USP42: variants seen among roughly 807,000 people sequenced by gnomAD.
USP42 encodes ubiquitin specific peptidase 42.
In USP42, 23 loss-of-function variants were observed where a neutral mutation model predicts 113.0. The observed-to-expected ratio is 0.20, with a 90% CI of 0.15 to 0.29. The LOEUF is 0.29. USP42 is among the 10% of genes least tolerant of loss of function. USP42 has a pLI of 1.00. For synonymous variants in USP42, 933 were observed against 699.0 expected, an observed-to-expected ratio of 1.33 and a Z score of -5.28; for missense variants, 2,174 against 1,779.8, an observed-to-expected ratio of 1.22 and a Z score of -3.99.
At position 6,144,103 on chromosome 7, in the gene USP42, A is replaced by T. The variant is rs759845063; in HGVS notation, c.897A>T (p.Pro299=). The change falls in exon 9 of 18, where the codon CCA becomes CCT. Residue 299 remains proline, a synonymous_variant. Transcript: ENST00000306177. ...TTTCAAGGTGTAAAAAGATGGTTCC[A>T]GCTTCAAAGAGGTTCACTATCCATA... ...YKCSKCKKMV[P]ASKRFTIHRS... 39 of 1,570,092 alleles carry T rather than the reference A, an allele frequency of 2.5e-5. No homozygotes were observed. Among genetic ancestry groups the T allele is most frequent in the Non-Finnish European group, 3.2e-5 (37 of 1,165,726 alleles).
the USP42 span, among the ~76,000 whole-genome samples, chr7:6,094,761 T>G: frequency 6.6e-6 from 1 of 150,516 alleles, no homozygotes. Context: ...CAACTTACTC[T>G]TTTGGCCAGA....
At position 6,149,637 on chromosome 7, in the gene USP42, A is replaced by G. The variant is rs1483189424; in HGVS notation, c.1441A>G (p.Met481Val). ...ATTGAAAGACACGCCAAGCAGTTCC[A>G]TGTCGAGTCCTAACGGGAATTCCAG... is the stretch of plus-strand genomic sequence containing the variant. ...GPLKDTPSSSMSSPNGNSSVN... is the reference protein window; with the variant it reads ...GPLKDTPSSSVSSPNGNSSVN... The change falls in exon 13 of 18, where the codon ATG becomes GTG. Residue 481 changes from methionine (M) to valine (V), a missense_variant. Physicochemically the swap from Met to Val is conservative, Grantham distance 21. Coordinates refer to ENST00000306177, the MANE Select transcript of USP42 (RefSeq NM_032172.3). The G allele has an allele frequency of 1.2e-6, 2 of 1,613,852 alleles. No homozygotes were observed. The highest frequency in any genetic ancestry group is 1.3e-5 in the African/African-American group (1 of 74,912).
chr7:6,136,818 T>A (rs1402099234), intron 4 of USP42, among the ~76,000 whole-genome samples: 1 of 151,850 alleles, frequency 6.6e-6, no homozygotes, highest in Non-Finnish European at 1.5e-5. Flanking sequence ...CTTTTTTTTT[T>A]TTTTCAAGTG....
At chr7:6,145,705 G>A (rs1056341630) in intron 10 of USP42, 49 bp downstream of exon 10, 8 of 1,566,016 alleles carry the variant, frequency 5.1e-6, no homozygotes, top group Non-Finnish European at 2.6e-6. Flanking sequence ...CATGCTATAA[G>A]ACAGCAGTAG....
At chr7:6,081,832 T>A in the USP42 span, 6 of 152,176 alleles carry the variant, frequency 3.9e-5, no homozygotes, top group African/African-American at 1.4e-4. Flanking sequence ...GATCTCGTTC[T>A]TTCTCCCCTC....
At position 6,159,249 on chromosome 7, in the gene USP42, A is replaced by G. The variant is rs1303707070; in HGVS notation, c.3944-201A>G. ...TGGATGGAGCCCTCAGTCATCACGT[A>G]AACCCTTTGACATCAGTAAAACCCT... On this transcript the variant is annotated intron_variant, in intron 16 of 17. Coordinates refer to ENST00000306177, the MANE Select transcript of USP42 (RefSeq NM_032172.3). The surrounding 1 kb of genome is among the most constrained non-coding windows in gnomAD (Gnocchi z 4.1). Among the ~76,000 whole-genome samples the G allele has an allele frequency of 6.6e-6, 1 of 152,160 alleles. No individual in the cohort carries two copies. Among genetic ancestry groups the G allele is most frequent in the East Asian group, 1.9e-4 (1 of 5,192 alleles).
rs1403791896 is a variant in USP42, at chr7:6,159,163, T to C, written c.3944-287T>C. Among the ~76,000 whole-genome samples the C allele has an allele frequency of 6.6e-6, 1 of 152,214 alleles. No individual in the cohort carries two copies. Among genetic ancestry groups the C allele is most frequent in the Non-Finnish European group, 1.5e-5 (1 of 68,036 alleles). On this transcript the variant is annotated intron_variant, in intron 16 of 17. Coordinates refer to ENST00000306177, the MANE Select transcript of USP42 (RefSeq NM_032172.3). The surrounding 1 kb of genome is among the most constrained non-coding windows in gnomAD (Gnocchi z 4.1). Reference sequence around the variant, plus strand: ...CTCTTTCAAACTCCTCCTCTGGCTCTGTTCCGCCCAGTTCAGTTCTTGGGC... The same window carrying C: ...CTCTTTCAAACTCCTCCTCTGGCTCCGTTCCGCCCAGTTCAGTTCTTGGGC...
chr7:6,108,137 T>C (rs1452506498), intron 1 of USP42, among the ~76,000 whole-genome samples: 1 of 152,158 alleles, frequency 6.6e-6, no homozygotes, highest in Non-Finnish European at 1.5e-5. Context: ...CAGTGAGCTG[T>C]GACAGCGCCA....
Position 6,150,106 on chromosome 7 carries a change from C to T in USP42, c.1910C>T (p.Pro637Leu), listed in dbSNP as rs1187843113. The T allele has an allele frequency of 5.0e-6, 8 of 1,611,660 alleles. No individual in the cohort carries two copies. The highest frequency in any genetic ancestry group is 1.7e-5 in the Admixed American group (1 of 59,556). ...GGTACGATTGTGAGCTCCCACTCTC[C>T]CGGCCAAGATGCCGAAGATGAGGAG... ...GIGTIVSSHSPGQDAEDEEAT... is the reference protein window; with the variant it reads ...GIGTIVSSHSLGQDAEDEEAT... Residue 637 changes from proline (P) to leucine (L), a missense_variant, in exon 13 of 18, where the codon CCC becomes CTC. Transcript: ENST00000306177.
chr7:6,117,001 C>CCTCTCTTTCTCT (rs1259598169), intron 3 of USP42: 1 of 403,002 alleles, frequency 2.5e-6, no homozygotes, highest in African/African-American at 2.1e-5. Context: ...TCCCTTCCTC[C>CCTCTCTTTCTCT]CTCTCTTTCT....
intron 1 of USP42, among the ~76,000 whole-genome samples, chr7:6,105,931 C>G (rs772438081): frequency 2.6e-5 from 4 of 152,090 alleles, no homozygotes; most frequent in Non-Finnish European, 5.9e-5. Context: ...AAGTCAATAC[C>G]CTGACAGCAA....
chr7:6,155,573 TTA>T (rs1185193009), intron 15 of USP42, among the ~76,000 whole-genome samples: 1 of 152,192 alleles, frequency 6.6e-6, no homozygotes, highest in Non-Finnish European at 1.5e-5. Flanking sequence ...TCAGATGTAG[TTA>T]TGTTTTCATA....
At chr7:6,093,605 T>C in the USP42 span, among the ~76,000 whole-genome samples, 6 of 150,316 alleles carry the variant, frequency 4.0e-5, 1 homozygote, top group Admixed American at 2.0e-4. Context: ...TTCTTTCACC[T>C]TGCTTCCCTC....
chr7:6,107,823 T>C (rs1449367806), intron 1 of USP42, among the ~76,000 whole-genome samples: 1 of 152,198 alleles, frequency 6.6e-6, no homozygotes, highest in African/African-American at 2.4e-5. Context: ...AGGCTCAAGC[T>C]TTCTTCCTGA....
intron 3 of USP42, among the ~76,000 whole-genome samples, chr7:6,135,338 T>C (rs1002111068): frequency 1.3e-5 from 2 of 152,134 alleles, no homozygotes; most frequent in East Asian, 1.9e-4. Flanking sequence ...TATATACTTA[T>C]CACTTAGGTT....
the USP42 span, among the ~76,000 whole-genome samples, chr7:6,089,211 A>AT: frequency 3.7e-3 from 508 of 138,066 alleles, 12 homozygotes; most frequent in African/African-American, 0.01. Context: ...CGCCTGGCTA[A>AT]TTTTTTTTTT....
chr7:6,121,947 C>G lies in USP42; in HGVS notation c.442+6424C>G, dbSNP rs149915506. On this transcript the variant is annotated intron_variant, in intron 3 of 17. Transcript: ENST00000306177. ...AAGTGCTAGGATTATACCACCATAC[C>G]CAGCTTTCTGTCTCCTTTTTCGTTT... 9.4e-4 allele frequency among the ~76,000 whole-genome samples: 143 copies of G among 152,276 alleles called. 3 individuals carry two copies. Among genetic ancestry groups the G allele is most frequent in the Middle Eastern group, 6.8e-3 (2 of 294 alleles).
chr7:6,142,876 C>A, intron 7 of USP42, 56 bp from the exon 8 acceptor site: 1 of 1,577,588 alleles, frequency 6.3e-7, no homozygotes, highest in Non-Finnish European at 8.7e-7. Context: ...AGGGCAAGAC[C>A]CAAACACAAG....
intron 2 of USP42, among the ~76,000 whole-genome samples, chr7:6,113,497 A>G (rs1396696576): frequency 6.6e-6 from 1 of 152,022 alleles, no homozygotes; most frequent in African/African-American, 2.4e-5. Flanking sequence ...CTTTTGTCCT[A>G]ATTTTGCTCT....
Sources: gnomAD v4.1 joint callset for allele counts (sites outside exome capture counted in the v4.1 genomes callset) on GRCh38, gnomAD v4.1.1 for gene constraint, Gnocchi (gnomAD v3.1) non-coding constraint, MANE v1.5 for transcripts, NCBI Gene and HGNC (gene_info 2026-07-23, HGNC 2026-07-21) for gene names.